The following MED12L variants were observed in gnomAD, a reference collection of about 807,000 sequenced individuals.
MED12L encodes the protein mediator of RNA polymerase II transcription subunit 12-like protein.
Under a neutral mutation model 281.3 loss-of-function variants are expected in MED12L, and 60 were observed. The observed-to-expected ratio is 0.21, with a 90% CI of 0.17 to 0.26. MED12L has a LOEUF of 0.26. MED12L is among the 10% of genes least tolerant of loss of function. MED12L has a pLI of 1.00. For synonymous variants in MED12L, 974 were observed against 987.2 expected, an observed-to-expected ratio of 0.99 and a Z score of 0.25; for missense variants, 2,146 against 2,680.9, an observed-to-expected ratio of 0.80 and a Z score of 4.41.
chr3:151,285,912 T>C (rs1743443488), intron 16 of MED12L, among the ~76,000 whole-genome samples: 1 of 152,174 alleles, frequency 6.6e-6, no homozygotes, highest in Non-Finnish European at 1.5e-5. Flanking sequence ...CTCCTTGATC[T>C]TGAACTTCCC....
chr3:151,407,425 G>T (rs1225790454), intron 39 of MED12L, among the ~76,000 whole-genome samples: 2 of 152,104 alleles, frequency 1.3e-5, no homozygotes, highest in East Asian at 3.9e-4. Flanking sequence ...TTGTAAAAAT[G>T]GTAATATACA....
rs762267129 is a variant in MED12L at position 151,290,039 on chromosome 3, C to T, written c.2251-60020C>T. Among the ~76,000 whole-genome samples, 12 of 152,086 alleles carry T rather than the reference C, an allele frequency of 7.9e-5. No homozygotes were observed. The South Asian group carries it at 8.3e-4, about 10-fold the overall frequency. ...CTGAGTAACTGGGATTACAGGTGCA[C>T]ACCACCATGCCTGGCTAATTTTTGT... On this transcript the variant is annotated intron_variant, in intron 16 of 44. Coordinates refer to ENST00000687756, the MANE Select transcript of MED12L (RefSeq NM_001393769.1).
intron 43 of MED12L, among the ~76,000 whole-genome samples, chr3:151,417,487 C>CCCCCCTT (rs1717736742): frequency 8.9e-5 from 7 of 78,816 alleles, no homozygotes; most frequent in Non-Finnish European, 1.6e-4. Flanking sequence ...CCCCCCCCGC[C>CCCCCCTT]TTTTTTTTTT....
At chr3:151,131,513 G>GA (rs1291950656) in intron 5 of MED12L, among the ~76,000 whole-genome samples, 1 of 152,102 alleles carries the variant, frequency 6.6e-6, no homozygotes, top group Non-Finnish European at 1.5e-5. Flanking sequence ...AGGCTGAGGT[G>GA]AGGGGATAGC....
chr3:151,359,479 T>C (rs1754346683), intron 20 of MED12L, among the ~76,000 whole-genome samples: 1 of 152,128 alleles, frequency 6.6e-6, no homozygotes, highest in Non-Finnish European at 1.5e-5. Context: ...GTACCTGTGA[T>C]TCCATTGTCC....
intron 5 of MED12L, among the ~76,000 whole-genome samples, chr3:151,131,129 C>T (rs1715329923): frequency 6.6e-6 from 1 of 152,200 alleles, no homozygotes; most frequent in South Asian, 2.1e-4. Context: ...TTATCACCAG[C>T]TATATCGGAG....
At position 151,193,568 on chromosome 3, in the gene MED12L, A is replaced by G; in HGVS notation, c.2152A>G (p.Lys718Glu). 1 of 1,613,988 alleles carries G rather than the reference A, an allele frequency of 6.2e-7. No individual in the cohort carries two copies. The highest frequency in any genetic ancestry group is 1.1e-5 in the South Asian group (1 of 91,082). The change falls in exon 16 of 45, where the codon AAG becomes GAG. Residue 718 changes from lysine (K) to glutamate (E), a missense_variant. Physicochemically the swap from Lys to Glu is moderately conservative, Grantham distance 56. Transcript: ENST00000687756. The part of the protein sequence containing the change: ...LGRRMSVNCE[K>E]LVKREKPREL... ...CAGAAGAATGTCAGTTAATTGTGAG[A>G]AGTTGGTGAAGAGGGAAAAGCCAAG...
At position 151,422,548 on chromosome 3, in the gene MED12L, T is replaced by TA. The variant is rs538108158; in HGVS notation, c.6408+6127dup. 6.6e-5 allele frequency among the ~76,000 whole-genome samples: 10 copies of TA among 152,288 alleles called. No individual in the cohort carries two copies. In the South Asian group the frequency reaches 1.2e-3, roughly 19 times the overall value. ...ACTTTTTTATAAGGATACCAGTCCT[T>TA]ATGCGTTTTCACTTTTTATAAGGAC... On this transcript the variant is annotated intron_variant, in intron 43 of 44. Coordinates refer to ENST00000687756, the MANE Select transcript of MED12L (RefSeq NM_001393769.1).
At chr3:151,138,902 G>T (rs1020907778) in intron 5 of MED12L, among the ~76,000 whole-genome samples, 2 of 152,014 alleles carry the variant, frequency 1.3e-5, no homozygotes, top group Non-Finnish European at 2.9e-5. Flanking sequence ...TTAAGAAGTG[G>T]GGAGTTAACC....
chr3:151,161,059 G>A (rs1344650568), intron 8 of MED12L, among the ~76,000 whole-genome samples: 1 of 152,168 alleles, frequency 6.6e-6, no homozygotes, highest in Non-Finnish European at 1.5e-5. Context: ...GATGCCCTGT[G>A]GGCCTTATGA....
chr3:151,168,241 T>C (rs1165337872), intron 11 of MED12L, among the ~76,000 whole-genome samples: 1 of 152,228 alleles, frequency 6.6e-6, no homozygotes. Flanking sequence ...AAGAAGGTTA[T>C]TAGAACTTCT....
intron 2 of MED12L, among the ~76,000 whole-genome samples, chr3:151,105,372 C>T (rs1276651328): frequency 1.3e-5 from 2 of 152,186 alleles, no homozygotes; most frequent in Non-Finnish European, 2.9e-5. Flanking sequence ...CCAGTGTACT[C>T]ACTGTCTTCC....
intron 38 of MED12L, among the ~76,000 whole-genome samples, chr3:151,390,623 C>T (rs533897807): frequency 1.1e-4 from 16 of 152,264 alleles, no homozygotes; most frequent in East Asian, 7.7e-4. Flanking sequence ...GTAGATTTCT[C>T]GTCCCAAATG....
intron 2 of MED12L, among the ~76,000 whole-genome samples, chr3:151,110,947 G>C (rs183161374): frequency 2.0e-5 from 3 of 152,302 alleles, no homozygotes; most frequent in Admixed American, 1.3e-4. Context: ...CGGTTTTCTA[G>C]AGAGGCAGAA....
intron 27 of MED12L, among the ~76,000 whole-genome samples, chr3:151,373,023 A>G (rs1347068445): frequency 1.3e-5 from 2 of 152,148 alleles, no homozygotes; most frequent in East Asian, 3.8e-4. Context: ...GGGTGCATAT[A>G]CCTATTTTTT....
chr3:151,123,218 A>G (rs1481531012), intron 4 of MED12L, among the ~76,000 whole-genome samples: 1 of 152,216 alleles, frequency 6.6e-6, no homozygotes, highest in African/African-American at 2.4e-5. Flanking sequence ...GATTTTAGGT[A>G]GACAAGATTT....
At chr3:151,116,842 A>G (rs959161553) in intron 3 of MED12L, among the ~76,000 whole-genome samples, 1 of 152,282 alleles carries the variant, frequency 6.6e-6, no homozygotes, top group Admixed American at 6.5e-5. Flanking sequence ...ATACCAGGAG[A>G]CACACAATGC....
At chr3:151,411,621 A>T (rs1716948518) in intron 41 of MED12L, 114 bp downstream of exon 41, 7 of 926,726 alleles carry the variant, frequency 7.6e-6, no homozygotes, top group Non-Finnish European at 1.2e-5. Flanking sequence ...GCATATTTGC[A>T]GATAATTTGC....
At chr3:151,317,486 T>C (rs1281886183) in intron 16 of MED12L, among the ~76,000 whole-genome samples, 1 of 127,912 alleles carries the variant, frequency 7.8e-6, no homozygotes, top group East Asian at 2.6e-4. Context: ...AGTCTCACAC[T>C]GTTGCCCGGG....
Sources: gnomAD v4.1 joint callset for allele counts (sites outside exome capture counted in the v4.1 genomes callset) on GRCh38, gnomAD v4.1.1 for gene constraint, MANE v1.5 for transcripts, NCBI Gene and HGNC (gene_info 2026-07-23, HGNC 2026-07-21) for gene names.